Variants in CREB3L2 observed in about 807,000 individuals in gnomAD.
The protein encoded by CREB3L2 is cyclic AMP-responsive element-binding protein 3-like protein 2.
A neutral mutation model predicts 57.2 loss-of-function variants in CREB3L2; 23 were observed. That is an observed-to-expected ratio of 0.40 (90% confidence interval 0.29 to 0.57). CREB3L2 has a LOEUF of 0.57. CREB3L2 is among the 20% of genes least tolerant of loss of function. The pLI is 0.42. For synonymous variants in CREB3L2, 268 were observed against 265.1 expected, an observed-to-expected ratio of 1.01 and a Z score of -0.11; for missense variants, 628 against 634.7, an observed-to-expected ratio of 0.99 and a Z score of 0.11.
chr7:137,939,890 T>C (rs1213833100), intron 1 of CREB3L2, among the ~76,000 whole-genome samples: 3 of 152,160 alleles, frequency 2.0e-5, no homozygotes, highest in Non-Finnish European at 2.9e-5. Flanking sequence ...CCAAAAAATG[T>C]TTGCTTTTAA....
chr7:137,891,021 C>T (rs534947904), intron 8 of CREB3L2, among the ~76,000 whole-genome samples: 7 of 152,242 alleles, frequency 4.6e-5, no homozygotes, highest in East Asian at 3.9e-4. Context: ...CTTGGGCTTC[C>T]GGGAACAAAA....
At chr7:137,918,215 C>T (rs376081298) in intron 2 of CREB3L2, among the ~76,000 whole-genome samples, 1 of 127,180 alleles carries the variant, frequency 7.9e-6, no homozygotes, top group Admixed American at 8.2e-5. Context: ...TGTTTTGAGA[C>T]ATTCTTGCTC....
At chr7:137,968,093 T>G (rs1801439245) in intron 1 of CREB3L2, among the ~76,000 whole-genome samples, 2 of 152,294 alleles carry the variant, frequency 1.3e-5, no homozygotes, top group South Asian at 4.2e-4. Context: ...CTTTCTGACT[T>G]TAAAGTCTAT....
rs939789400 is a variant in CREB3L2, at chr7:137,879,979, G to A, written c.*497C>T. On this transcript the variant is annotated 3_prime_UTR_variant, in exon 12 of 12. Coordinates refer to ENST00000330387, the MANE Select transcript of CREB3L2 (RefSeq NM_194071.4). ...AGGGCTCCCAGGGGGCAGAGTGGGC[G>A]GAGGGCTGCTGTCGGGGGTGTTCAC... 1.3e-5 allele frequency: 3 copies of A among 239,350 alleles called. No homozygotes were observed. Among genetic ancestry groups the A allele is most frequent in the African/African-American group, 2.2e-5 (1 of 45,366 alleles). The allele number at this position is 239,350 out of a possible 1,614,324, so 14.8% of individuals were successfully genotyped here.
chr7:137,896,677 T>C (rs1799634451), intron 8 of CREB3L2, among the ~76,000 whole-genome samples: 2 of 152,192 alleles, frequency 1.3e-5, no homozygotes, highest in South Asian at 4.2e-4. Flanking sequence ...TGCCAGCCAT[T>C]ACTACCATAA....
intron 1 of CREB3L2, among the ~76,000 whole-genome samples, chr7:137,967,852 C>A (rs1241809695): frequency 6.6e-6 from 1 of 152,218 alleles, no homozygotes; most frequent in Non-Finnish European, 1.5e-5. Flanking sequence ...CACTGTGATG[C>A]CCCATCCACT....
chr7:137,935,099 T>C (rs1479155742), intron 1 of CREB3L2, among the ~76,000 whole-genome samples: 3 of 152,238 alleles, frequency 2.0e-5, no homozygotes, highest in Non-Finnish European at 4.4e-5. Context: ...GAATCCTGGC[T>C]GTGCAAGCCT....
At chr7:137,970,314 A>G (rs1190608759) in intron 1 of CREB3L2, among the ~76,000 whole-genome samples, 1 of 152,232 alleles carries the variant, frequency 6.6e-6, no homozygotes, top group Non-Finnish European at 1.5e-5. Flanking sequence ...TAAGCTGACC[A>G]TTTTGTTTTA....
Position 138,001,714 on chromosome 7 carries a change from G to C in CREB3L2, c.-9C>G. 1 of 1,594,268 alleles carries C rather than the reference G, an allele frequency of 6.3e-7. No homozygotes were observed. Among genetic ancestry groups the C allele is most frequent in the African/African-American group, 1.3e-5 (1 of 74,730 alleles). Reference sequence around the variant, plus strand: ...CTCTCCAGCACCTCCATGGCGGTGCGGGCCGCGCTGGGCCGAGGATGCTAA... The same window carrying C: ...CTCTCCAGCACCTCCATGGCGGTGCCGGCCGCGCTGGGCCGAGGATGCTAA... On this transcript the variant is annotated 5_prime_UTR_variant, in exon 1 of 12. Transcript: ENST00000330387. This position sits in a 1 kb window ranked among gnomAD's most constrained non-coding sequence, Gnocchi z 4.2.
At chr7:137,930,951 G>A (rs915036097) in intron 1 of CREB3L2, among the ~76,000 whole-genome samples, 15 of 151,722 alleles carry the variant, frequency 9.9e-5, no homozygotes, top group African/African-American at 3.2e-4. Context: ...AAGAAACTGG[G>A]CTGGGCAAGG....
At chr7:137,923,940 A>T (rs1046322067) in intron 2 of CREB3L2, among the ~76,000 whole-genome samples, 4 of 152,198 alleles carry the variant, frequency 2.6e-5, no homozygotes, top group African/African-American at 9.7e-5. Context: ...AGGCAGAGAT[A>T]AAACCCTAGT....
Position 138,001,538 on chromosome 7 carries a change from C to T in CREB3L2, c.102+66G>A. On this transcript the variant is annotated intron_variant, in intron 1 of 11. Transcript: ENST00000330387. The surrounding 1 kb of genome is among the most constrained non-coding windows in gnomAD (Gnocchi z 4.2). ...GCCTTCCCGGGTCCCAGGACTCCAGCTGCTCCTCGCGTGACAACACTTGCC... is the reference window on the plus strand; with the variant it reads ...GCCTTCCCGGGTCCCAGGACTCCAGTTGCTCCTCGCGTGACAACACTTGCC... 4 of 1,255,584 alleles carry T rather than the reference C, an allele frequency of 3.2e-6. No individual in the cohort carries two copies. Among genetic ancestry groups the T allele is most frequent in the Non-Finnish European group, 4.5e-6 (4 of 886,300 alleles). 77.8% of individuals were successfully genotyped at this position (1,255,584 alleles called of 1,614,324 possible).
At chr7:137,881,812 C>T (rs1799298466) in intron 11 of CREB3L2, among the ~76,000 whole-genome samples, 1 of 152,098 alleles carries the variant, frequency 6.6e-6, no homozygotes, top group Non-Finnish European at 1.5e-5. Context: ...GGATTTTTCC[C>T]AGAAACTGAG....
chr7:137,915,882 G>A lies in CREB3L2; in HGVS notation c.450C>T (p.Ser150=), dbSNP rs1342253174. ...GAGGTTCCTCCTTTTCCAACGGGGT[G>A]GAGATGGCTGTGATGGTCAGAGTGA... The part of the protein sequence containing the change: ...PSVTLTITAI[S]TPLEKEEPPL... Residue 150 remains serine, a synonymous_variant, in exon 3 of 12, where the codon TCC becomes TCT. Coordinates refer to ENST00000330387, the MANE Select transcript of CREB3L2 (RefSeq NM_194071.4). The A allele has an allele frequency of 1.9e-6, 3 of 1,614,164 alleles. No homozygotes were observed. Among genetic ancestry groups the A allele is most frequent in the Non-Finnish European group, 2.5e-6 (3 of 1,180,006 alleles).
chr7:137,885,239 A>G (rs1469513675), intron 9 of CREB3L2, 118 bp from the exon 10 acceptor site: 1 of 1,262,132 alleles, frequency 7.9e-7, no homozygotes, highest in Non-Finnish European at 1.1e-6. Context: ...GACTGCACCC[A>G]CCAGTCACAT....
Position 137,875,233 on chromosome 7 carries a change from C to T in CREB3L2, c.*5243G>A, listed in dbSNP as rs1254152019. 4.6e-6 allele frequency: 1 copy of T among 217,508 alleles called. No homozygotes were observed. 13.5% of individuals were successfully genotyped at this position (217,508 alleles called of 1,614,324 possible). A position where few individuals can be genotyped will look rare whatever the true frequency, so the allele number is the denominator to read the frequency against. On this transcript the variant is annotated 3_prime_UTR_variant, in exon 12 of 12. Transcript: ENST00000330387. The stretch of plus-strand genomic sequence containing the variant: ...TGTTACAAAAGAGAGCAAAACCTAA[C>T]TGTCAGCATAGACATTAAAGCTCAC...
chr7:137,994,246 T>C (rs1046923931), intron 1 of CREB3L2, among the ~76,000 whole-genome samples: 2 of 152,204 alleles, frequency 1.3e-5, no homozygotes, highest in Non-Finnish European at 2.9e-5. Context: ...CCAGACAGCG[T>C]AGAGCCATGT....
intron 2 of CREB3L2, among the ~76,000 whole-genome samples, chr7:137,921,257 A>G (rs1203713780): frequency 6.6e-6 from 1 of 152,252 alleles, no homozygotes; most frequent in Non-Finnish European, 1.5e-5. Flanking sequence ...AGCAGTCCAC[A>G]GTTTGGAGAG....
intron 1 of CREB3L2, among the ~76,000 whole-genome samples, chr7:137,975,359 C>A (rs73458446): frequency 1.3e-5 from 2 of 152,214 alleles, no homozygotes; most frequent in Admixed American, 6.5e-5. Flanking sequence ...TTGCAGAACC[C>A]ACAAATGAGT....
Sources: gnomAD v4.1 joint callset for allele counts (sites outside exome capture counted in the v4.1 genomes callset) on GRCh38, gnomAD v4.1.1 for gene constraint, Gnocchi (gnomAD v3.1) non-coding constraint, MANE v1.5 for transcripts, NCBI Gene and HGNC (gene_info 2026-07-23, HGNC 2026-07-21) for gene names.